LAMA3: variants seen among roughly 807,000 people sequenced by gnomAD.
The protein encoded by LAMA3 is laminin subunit alpha 3.
LAMA3 carries 281 observed loss-of-function variants against 402.0 expected under a neutral mutation model. The observed-to-expected ratio is 0.70, with a 90% confidence interval of 0.63 to 0.77. The LOEUF (loss-of-function observed/expected upper bound fraction) is 0.77. Among genes scored for constraint, LAMA3 ranks in the 30% least tolerant of loss-of-function variants. The pLI, the probability that LAMA3 is intolerant of heterozygous loss-of-function variation, is 0.00. For synonymous variants in LAMA3, 1,431 were observed against 1,558.4 expected, an observed-to-expected ratio of 0.92 and a Z score of 1.93; for missense variants, 3,840 against 4,215.5, an observed-to-expected ratio of 0.91 and a Z score of 2.47.
chr18:23,868,029 T>A, intron 37 of LAMA3, 112 bp downstream of exon 37: 1 of 874,298 alleles, frequency 1.1e-6, no homozygotes, highest in Non-Finnish European at 1.8e-6. Flanking sequence ...TCTATTTATA[T>A]AAATATGTTT....
chr18:23,797,528 A>G lies in LAMA3; in HGVS notation c.1604-12838A>G, dbSNP rs532286027. On this transcript the variant is annotated intron_variant, in intron 12 of 74. Transcript: ENST00000313654. Reference sequence around the variant, plus strand: ...CAGGAGTTCTAGACCAGCCTGGCCAATGTGGTAAAACCCCGTCTCTACTAA... The same window carrying G: ...CAGGAGTTCTAGACCAGCCTGGCCAGTGTGGTAAAACCCCGTCTCTACTAA... Among the ~76,000 whole-genome samples, 206 of 152,306 alleles carry G rather than the reference A, an allele frequency of 1.4e-3. 1 individual carries two copies. The highest frequency in any genetic ancestry group is 3.9e-3 in the Admixed American group (59 of 15,304).
chr18:23,699,058 GAAAA>G (rs931930319), intron 1 of LAMA3, among the ~76,000 whole-genome samples: 1 of 150,010 alleles, frequency 6.7e-6, no homozygotes, highest in Non-Finnish European at 1.5e-5. Flanking sequence ...GAGAGAGAAA[GAAAA>G]GAAAAGAAGG....
Position 23,898,982 on chromosome 18 carries a change from C to T in LAMA3, c.5753C>T (p.Thr1918Ile), listed in dbSNP as rs1487670704. The T allele has an allele frequency of 1.2e-6, 2 of 1,613,736 alleles. No individual in the cohort carries two copies. The highest frequency in any genetic ancestry group is 1.7e-5 in the Admixed American group (1 of 59,986). ...CAAGTAAATTCCAGAAAAGCACAAA[C>T]ATTAAACAACAATGTTAATCGGGCA... ...KAQVNSRKAQ[T>I]LNNNVNRATQ... The change falls in exon 46 of 75, where the codon ACA (threonine) becomes ATA (isoleucine). Residue 1918 changes from threonine (T) to isoleucine (I), a missense_variant. Physicochemically the swap from Thr to Ile is moderately conservative, Grantham distance 89. This residue lies in a region of LAMA3 where 891 missense variants were observed against 857.5 expected (regional missense o/e 1.04). Transcript: ENST00000313654.
intron 1 of LAMA3, chr18:23,710,408 G>T: frequency 3.6e-6 from 1 of 278,208 alleles, no homozygotes; most frequent in South Asian, 4.7e-5. Context: ...TTTACTTGCA[G>T]GATTAGTCAT....
At chr18:23,767,773 A>G (rs906265290) in intron 8 of LAMA3, among the ~76,000 whole-genome samples, 1 of 151,910 alleles carries the variant, frequency 6.6e-6, no homozygotes, top group African/African-American at 2.4e-5. Flanking sequence ...GAGTTTCACC[A>G]TGTTGGCCAG....
At chr18:23,876,463 C>T (rs1275235026) in intron 39 of LAMA3, 56 bp downstream of exon 39, 3 of 1,149,446 alleles carry the variant, frequency 2.6e-6, no homozygotes, top group Non-Finnish European at 4.0e-6. Flanking sequence ...TCCTCCATTC[C>T]CCTGTACTAT....
chr18:23,903,721 G>A (rs547614325), intron 49 of LAMA3, among the ~76,000 whole-genome samples: 1 of 152,278 alleles, frequency 6.6e-6, no homozygotes, highest in South Asian at 2.1e-4. Context: ...TCACCATAAT[G>A]AGAATGTTCA....
chr18:23,776,553 C>A (rs903562592), intron 10 of LAMA3, among the ~76,000 whole-genome samples: 1 of 152,190 alleles, frequency 6.6e-6, no homozygotes, highest in Non-Finnish European at 1.5e-5. Context: ...AACACTGTCA[C>A]AAGGAGAGCC....
intron 68 of LAMA3, among the ~76,000 whole-genome samples, chr18:23,940,659 C>A (rs548980079): frequency 6.6e-6 from 1 of 152,272 alleles, no homozygotes; most frequent in South Asian, 2.1e-4. Context: ...TGTGAGCATG[C>A]ATCACAGGCA....
At chr18:23,730,153 A>G (rs1292150868) in intron 2 of LAMA3, among the ~76,000 whole-genome samples, 1 of 152,180 alleles carries the variant, frequency 6.6e-6, no homozygotes, top group East Asian at 1.9e-4. Flanking sequence ...ATAGGGGCAA[A>G]TGTATGGCTC....
chr18:23,743,086 C>T (rs1028553467), intron 2 of LAMA3, among the ~76,000 whole-genome samples: 19 of 152,140 alleles, frequency 1.2e-4, no homozygotes, highest in Admixed American at 4.6e-4. Context: ...ATGGTGCAGC[C>T]TAGTGGGAAT....
chr18:23,809,476 G>A (rs1019973106), intron 12 of LAMA3, among the ~76,000 whole-genome samples: 25 of 152,138 alleles, frequency 1.6e-4, no homozygotes, highest in African/African-American at 5.3e-4. Flanking sequence ...CTCTTCAGCC[G>A]GAGAAGTCAG....
chr18:23,923,367 G>A (rs1327177725), intron 62 of LAMA3, among the ~76,000 whole-genome samples: 3 of 152,228 alleles, frequency 2.0e-5, no homozygotes, highest in Non-Finnish European at 2.9e-5. Context: ...GGTGAGTGAT[G>A]AGGGTGACCT....
chr18:23,851,135 G>A (rs1436527999), intron 32 of LAMA3, among the ~76,000 whole-genome samples: 1 of 152,224 alleles, frequency 6.6e-6, no homozygotes, highest in Non-Finnish European at 1.5e-5. Flanking sequence ...ACAACTTGGA[G>A]AGGCAATTTC....
At chr18:23,902,092 G>T (rs184177265) in intron 48 of LAMA3, among the ~76,000 whole-genome samples, 15 of 152,322 alleles carry the variant, frequency 9.8e-5, no homozygotes, top group Non-Finnish European at 5.9e-5. Context: ...AGAGGCCAAG[G>T]CAAGAGGATT....
chr18:23,754,844 A>G (rs1440597488), intron 6 of LAMA3, among the ~76,000 whole-genome samples: 1 of 152,190 alleles, frequency 6.6e-6, no homozygotes, highest in East Asian at 1.9e-4. Context: ...CATGAGCAGC[A>G]TTTACCAGAG....
chr18:23,734,546 A>G (rs558026919), intron 2 of LAMA3, among the ~76,000 whole-genome samples: 2 of 152,338 alleles, frequency 1.3e-5, no homozygotes, highest in African/African-American at 4.8e-5. Context: ...GTGTGCCTCT[A>G]ACTATCCTCA....
Position 23,842,666 on chromosome 18 carries a change from T to A in LAMA3, c.3519T>A (p.Ile1173=). 6 of 1,614,200 alleles carry A rather than the reference T, an allele frequency of 3.7e-6. No individual in the cohort carries two copies. The highest frequency in any genetic ancestry group is 5.1e-6 in the Non-Finnish European group (6 of 1,180,046). Reference sequence around the variant, plus strand: ...TGCTTGGCTGCCGGGATCAAGTGATTGCCGAAGGCCAGATTGAGTTTGACA... The same window carrying A: ...TGCTTGGCTGCCGGGATCAAGTGATAGCCGAAGGCCAGATTGAGTTTGACA... The part of the protein sequence containing the change: ...PHVLGCRDQV[I]AEGQIEFDIS... The change falls in exon 29 of 75, where the codon ATT becomes ATA. Residue 1173 remains isoleucine (I), a synonymous_variant. Coordinates refer to ENST00000313654, the MANE Select transcript of LAMA3 (RefSeq NM_198129.4).
intron 72 of LAMA3, 29 bp downstream of exon 72, chr18:23,950,188 G>A (rs1164218766): frequency 1.2e-6 from 2 of 1,613,408 alleles, no homozygotes; most frequent in Non-Finnish European, 1.7e-6. Flanking sequence ...CCATGGGGAG[G>A]GTCTGTAGAA....
Sources: allele counts gnomAD v4.1 joint callset (sites outside exome capture counted in the v4.1 genomes callset), GRCh38; gene constraint gnomAD v4.1.1; regional missense constraint gnomAD v4.1.1; transcripts MANE v1.5; gene names NCBI Gene and HGNC (gene_info 2026-07-23, HGNC 2026-07-21).